Variants in ENTHD1 observed in about 807,000 individuals in gnomAD.
ENTHD1 encodes the protein ENTH domain-containing protein 1.
ENTHD1 carries 23 observed loss-of-function variants against 39.1 expected under a neutral mutation model. The observed-to-expected ratio is 0.59, with a 90% CI of 0.42 to 0.83. ENTHD1 has a LOEUF of 0.83. ENTHD1 is among the 40% of genes least tolerant of loss of function. The probability of loss-of-function intolerance (pLI) is 0.00; values close to 1 mark genes in which losing one functional copy is unlikely to be tolerated. For missense variants in ENTHD1, 624 were observed against 705.4 expected (o/e 0.88, Z 1.31); for synonymous variants, 230 against 258.2 (o/e 0.89, Z 1.05).
At chr22:39,841,419 C>G (rs1220473991) in intron 3 of ENTHD1, among the ~76,000 whole-genome samples, 3 of 151,830 alleles carry the variant, frequency 2.0e-5, no homozygotes, top group Non-Finnish European at 4.4e-5. Context: ...TCTGGGTGCT[C>G]CTGTATTGGG....
intron 5 of ENTHD1, among the ~76,000 whole-genome samples, chr22:39,766,940 C>T (rs1220090879): frequency 6.6e-6 from 1 of 152,092 alleles, no homozygotes; most frequent in East Asian, 1.9e-4. Flanking sequence ...TTAAAGCTTG[C>T]CCTGACCCTT....
chr22:39,876,514 TAAAAAAA>T (rs137946), intron 2 of ENTHD1, among the ~76,000 whole-genome samples: 84 of 105,820 alleles, frequency 7.9e-4, no homozygotes, highest in African/African-American at 2.2e-3. Context: ...ACGGGTCATC[TAAAAAAA>T]AAAAAAAAAA....
At position 39,845,074 on chromosome 22, in the gene ENTHD1, TAAA is replaced by T. The variant is rs771360467; in HGVS notation, c.593-9119_593-9117del. Among the ~76,000 whole-genome samples, 12 of 120,956 alleles carry T rather than the reference TAAA, an allele frequency of 9.9e-5. No homozygotes were observed. The East Asian group carries it at 1.2e-3, about 12-fold the overall frequency. The allele number at this position is 120,956 out of a possible 152,430, so 79.4% of individuals were successfully genotyped here. The stretch of plus-strand genomic sequence containing the variant: ...TGAGATCTGCTACAGAAAAATGGAT[TAAA>T]AAAAAAAAAAAAGCCCACAGACTGC... On this transcript the variant is annotated intron_variant, in intron 3 of 6. Transcript: ENST00000325157.
At chr22:39,749,270 C>T (rs1202245557) in intron 6 of ENTHD1, among the ~76,000 whole-genome samples, 1 of 152,238 alleles carries the variant, frequency 6.6e-6, no homozygotes, top group Non-Finnish European at 1.5e-5. Context: ...AACATTCACA[C>T]AGTCTACTCA....
chr22:39,816,300 T>C (rs1273599785), intron 5 of ENTHD1, among the ~76,000 whole-genome samples: 1 of 152,196 alleles, frequency 6.6e-6, no homozygotes, highest in Non-Finnish European at 1.5e-5. Context: ...TTTTAGAATC[T>C]GTGTCAAATC....
intron 5 of ENTHD1, among the ~76,000 whole-genome samples, chr22:39,819,096 G>A (rs1838362346): frequency 6.6e-6 from 1 of 152,194 alleles, no homozygotes; most frequent in Non-Finnish European, 1.5e-5. Flanking sequence ...GCTAGGCATG[G>A]TGGCTCATGC....
At chr22:39,820,249 G>C (rs1266608605) in intron 5 of ENTHD1, among the ~76,000 whole-genome samples, 1 of 152,192 alleles carries the variant, frequency 6.6e-6, no homozygotes, top group Non-Finnish European at 1.5e-5. Context: ...GGTCCAAGAA[G>C]AGTGGGAAGA....
intron 5 of ENTHD1, among the ~76,000 whole-genome samples, chr22:39,811,851 C>T (rs111750909): frequency 2.4e-4 from 36 of 151,882 alleles, no homozygotes; most frequent in African/African-American, 8.0e-4. Flanking sequence ...TGGTGGTGGG[C>T]GCCTGTAGTC....
At chr22:39,828,964 ATAGT>A (rs1384213783) in intron 4 of ENTHD1, among the ~76,000 whole-genome samples, 1 of 152,342 alleles carries the variant, frequency 6.6e-6, no homozygotes, top group South Asian at 2.1e-4. Context: ...TAAAATGAGA[ATAGT>A]TAAAGAGGTT....
intron 5 of ENTHD1, among the ~76,000 whole-genome samples, chr22:39,771,464 A>G (rs1478291367): frequency 6.6e-6 from 1 of 152,206 alleles, no homozygotes; most frequent in Non-Finnish European, 1.5e-5. Context: ...AAAGGGGAGA[A>G]ATCTGGTTAA....
At chr22:39,747,099 G>A (rs927753989) in intron 6 of ENTHD1, among the ~76,000 whole-genome samples, 3 of 151,982 alleles carry the variant, frequency 2.0e-5, no homozygotes, top group African/African-American at 4.8e-5. Flanking sequence ...CGATCCTCCC[G>A]CCTCAGCCTT....
At chr22:39,890,514 T>G (rs921799345) in intron 1 of ENTHD1, among the ~76,000 whole-genome samples, 4 of 152,236 alleles carry the variant, frequency 2.6e-5, no homozygotes, top group Admixed American at 6.5e-5. Flanking sequence ...CTTGCTGGAA[T>G]TGAACAACAA....
chr22:39,883,642 A>G (rs1177859434), intron 2 of ENTHD1, among the ~76,000 whole-genome samples: 3 of 152,066 alleles, frequency 2.0e-5, no homozygotes, highest in African/African-American at 2.4e-5. Context: ...TAGTATATAG[A>G]TCAATATACA....
At chr22:39,775,641 A>G (rs2065359909) in intron 5 of ENTHD1, among the ~76,000 whole-genome samples, 1 of 152,146 alleles carries the variant, frequency 6.6e-6, no homozygotes, top group African/African-American at 2.4e-5. Context: ...CATAACGTAA[A>G]GAGACTCGAT....
intron 5 of ENTHD1, among the ~76,000 whole-genome samples, chr22:39,776,762 C>T (rs977378560): frequency 5.9e-5 from 9 of 152,230 alleles, no homozygotes; most frequent in African/African-American, 2.2e-4. Context: ...AATACTTTTG[C>T]CAGTTTGCAG....
intron 5 of ENTHD1, among the ~76,000 whole-genome samples, chr22:39,816,818 A>G (rs1460668344): frequency 6.6e-6 from 1 of 152,098 alleles, no homozygotes; most frequent in Non-Finnish European, 1.5e-5. Flanking sequence ...CTACAAAGAC[A>G]CCATTAAGAA....
chr22:39,858,903 C>A (rs905285077), intron 3 of ENTHD1, among the ~76,000 whole-genome samples: 1 of 152,218 alleles, frequency 6.6e-6, no homozygotes, highest in Non-Finnish European at 1.5e-5. Flanking sequence ...ATTGACTTCT[C>A]CTCTCTAGCT....
intron 6 of ENTHD1, among the ~76,000 whole-genome samples, chr22:39,748,446 G>A (rs916844459): frequency 1.3e-5 from 2 of 151,498 alleles, no homozygotes; most frequent in African/African-American, 2.4e-5. Flanking sequence ...TTTTGAGACG[G>A]AGTCTCGCTC....
intron 2 of ENTHD1, among the ~76,000 whole-genome samples, chr22:39,883,852 C>A (rs1201996840): frequency 2.1e-5 from 2 of 95,564 alleles, no homozygotes; most frequent in Non-Finnish European, 2.2e-5. Flanking sequence ...AGGCTCTGTC[C>A]CACAAAAAAA....
Sources: allele counts gnomAD v4.1 joint callset (sites outside exome capture counted in the v4.1 genomes callset), GRCh38; gene constraint gnomAD v4.1.1; transcripts MANE v1.5; gene names NCBI Gene and HGNC (gene_info 2026-07-23, HGNC 2026-07-21).